Variants in PCDHGB1 observed in about 807,000 individuals in gnomAD.
The protein encoded by PCDHGB1 is protocadherin gamma subfamily B, 1, also known as protocadherin gamma-B1.
Under a neutral mutation model 56.6 loss-of-function variants are expected in PCDHGB1, and 34 were observed. The observed-to-expected ratio is 0.60, with a 90% confidence interval of 0.46 to 0.80. The LOEUF (loss-of-function observed/expected upper bound fraction) is 0.80. Among genes scored for constraint, PCDHGB1 ranks in the 30% least tolerant of loss-of-function variants. The pLI, the probability that PCDHGB1 is intolerant of heterozygous loss-of-function variation, is 0.00. For missense variants in PCDHGB1, 1,278 were observed against 1,204.6 expected (o/e 1.06, Z -0.90); for synonymous variants, 561 against 505.9 (o/e 1.11, Z -1.46).
At chr5:141,389,564 G>A in intron 1 of PCDHGB1, 1 of 1,613,244 alleles carries the variant, frequency 6.2e-7, no homozygotes, top group East Asian at 2.2e-5. Context: ...CGCCACGGGT[G>A]CTGTACCCCG....
chr5:141,355,703 AG>A, intron 1 of PCDHGB1: 1 of 1,614,000 alleles, frequency 6.2e-7, no homozygotes, highest in Non-Finnish European at 8.5e-7. Context: ...AACTCCCTGC[AG>A]GGTTACCAGC....
At position 141,473,164 on chromosome 5, in the gene PCDHGB1, G is replaced by A. The variant is rs190029663; in HGVS notation, c.2410-21643G>A. Among the ~76,000 whole-genome samples the A allele has an allele frequency of 1.6e-3, 241 of 152,250 alleles. 5 individuals carry two copies. The highest frequency in any genetic ancestry group is 2.1e-4 in the Non-Finnish European group (14 of 68,014). ...TCTTCAGATCACTAGGGCTAGGAAG[G>A]CCCACTGGTAACTTGAAGGAGTAAA... On this transcript the variant is annotated intron_variant, in intron 1 of 3. Transcript: ENST00000523390.
At position 141,357,290 on chromosome 5, in the gene PCDHGB1, T is replaced by C. The variant is rs773203887; in HGVS notation, c.2409+4621T>C. 3.7e-6 allele frequency: 6 copies of C among 1,613,952 alleles called. 1 individual carries two copies. In the South Asian group the frequency reaches 4.4e-5, roughly 12 times the overall value. On this transcript the variant is annotated intron_variant, in intron 1 of 3. Transcript: ENST00000523390. ...CTCACACTCTATCTCGTGGTGGCAGTGGCCGCTGTCTCCTGCGTCTTCCTG... is the reference window on the plus strand; with the variant it reads ...CTCACACTCTATCTCGTGGTGGCAGCGGCCGCTGTCTCCTGCGTCTTCCTG...
intron 1 of PCDHGB1, among the ~76,000 whole-genome samples, chr5:141,387,427 GT>G (rs1416187411): frequency 6.6e-6 from 1 of 152,220 alleles, no homozygotes; most frequent in Non-Finnish European, 1.5e-5. Context: ...GTCAATAAAT[GT>G]TTATGTACTT....
chr5:141,423,317 C>T, intron 1 of PCDHGB1: 4 of 1,614,118 alleles, frequency 2.5e-6, no homozygotes, highest in Non-Finnish European at 3.4e-6. Flanking sequence ...TTGGTGGTGG[C>T]GGTGGCCGCA....
At position 141,508,670 on chromosome 5, in the gene PCDHGB1, C is replaced by A. The variant is rs184838473; in HGVS notation, c.2558-2277C>A. The stretch of plus-strand genomic sequence containing the variant: ...GGCCCTTCCTGTCATTCTGTCTCTG[C>A]CTCCCTTCTCCCTGCTTCTCCGTGT... On this transcript the variant is annotated intron_variant, in intron 3 of 3. Coordinates refer to ENST00000523390, the MANE Select transcript of PCDHGB1 (RefSeq NM_018922.3). Among the ~76,000 whole-genome samples the A allele has an allele frequency of 3.7e-3, 564 of 152,202 alleles. 5 individuals are homozygous for A. The highest frequency in any genetic ancestry group is 0.011 in the Admixed American group (164 of 15,294).
In PCDHGB1 at chr5:141,351,679, C is replaced by G. The variant is rs548473707; in HGVS notation, c.1419C>G (p.Ser473=). 2.5e-6 allele frequency: 4 copies of G among 1,613,996 alleles called. No homozygotes were observed. In the Admixed American group the frequency reaches 5.0e-5, roughly 20 times the overall value. Residue 473 remains serine, a synonymous_variant, in exon 1 of 4, where the codon TCC becomes TCG. Transcript: ENST00000523390. ...CCTCCATTGCACAAGTAAGCGCCTC[C>G]GACCCGGATTTGGGACCCAACGGCA... is the stretch of plus-strand genomic sequence containing the variant. The part of the protein sequence containing the change: ...PGASIAQVSA[S]DPDLGPNGRV...
intron 1 of PCDHGB1, chr5:141,370,659 C>G: frequency 6.2e-7 from 1 of 1,613,780 alleles, no homozygotes; most frequent in Non-Finnish European, 8.5e-7. Context: ...TGTGAGCGAC[C>G]GTATAGACCG....
At position 141,362,252 on chromosome 5, in the gene PCDHGB1, C is replaced by A. The variant is rs1030341825; in HGVS notation, c.2409+9583C>A. ...TTGATCTCAGTGCTCTTCTTCCTCGCGGTGATTCTGGCAATCTCCCTGCGC... is the reference window on the plus strand; with the variant it reads ...TTGATCTCAGTGCTCTTCTTCCTCGAGGTGATTCTGGCAATCTCCCTGCGC... On this transcript the variant is annotated intron_variant, in intron 1 of 3. Coordinates refer to ENST00000523390, the MANE Select transcript of PCDHGB1 (RefSeq NM_018922.3). 1.9e-6 allele frequency: 3 copies of A among 1,613,904 alleles called. No homozygotes were observed. In the Admixed American group the frequency reaches 5.0e-5, roughly 27 times the overall value.
At position 141,512,280 on chromosome 5, in the gene PCDHGB1, TGGAAGGGTCAGC is replaced by T. The variant is rs1187119941; in HGVS notation, c.*1111_*1122del. The T allele has an allele frequency of 1.3e-5, 2 of 152,682 alleles. No individual in the cohort carries two copies. Among genetic ancestry groups the T allele is most frequent in the African/African-American group, 2.4e-5 (1 of 41,396 alleles). 9.5% of individuals were successfully genotyped at this position (152,682 alleles called of 1,614,324 possible). ...CTGGGTACTCCAGAGGTGCCACTGGTGGAAGGGTCAGCGGAGCCCCAGCAGGAAGGGTGGGCC... is the reference window on the plus strand; with the variant it reads ...CTGGGTACTCCAGAGGTGCCACTGGTGGAGCCCCAGCAGGAAGGGTGGGCC... On this transcript the variant is annotated 3_prime_UTR_variant, in exon 4 of 4. Transcript: ENST00000523390.
chr5:141,351,464 A>G lies in PCDHGB1; in HGVS notation c.1204A>G (p.Ile402Val), dbSNP rs906251737. 5 of 1,613,600 alleles carry G rather than the reference A, an allele frequency of 3.1e-6. No homozygotes were observed. Among genetic ancestry groups the G allele is most frequent in the Non-Finnish European group, 4.2e-6 (5 of 1,179,744 alleles). Residue 402 changes from isoleucine (I) to valine (V), a missense_variant, in exon 1 of 4, where the codon ATT (isoleucine) becomes GTT (valine). By Grantham distance (29) the Ile-to-Val change is conservative (BLOSUM62 3). Transcript: ENST00000523390. ...STSKNYYKLVIAGALNREQTA... is the reference protein window; with the variant it reads ...STSKNYYKLVVAGALNREQTA... ...CTCGAAGAATTATTACAAGCTGGTG[A>G]TTGCTGGAGCCCTAAACCGGGAGCA...
In PCDHGB1 at chr5:141,490,113, C is replaced by G. The variant is rs2099696295; in HGVS notation, c.2410-4694C>G. Reference sequence around the variant, plus strand: ...ACCACACATCTGAGGCAGTGCGGAACCTCTTTGGCCTAGACCCTAGCAGTG... The same window carrying G: ...ACCACACATCTGAGGCAGTGCGGAAGCTCTTTGGCCTAGACCCTAGCAGTG... On this transcript the variant is annotated intron_variant, in intron 1 of 3. Transcript: ENST00000523390. This position sits in a 1 kb window ranked among gnomAD's most constrained non-coding sequence, Gnocchi z 5.4. 1 of 1,614,258 alleles carries G rather than the reference C, an allele frequency of 6.2e-7. No individual in the cohort carries two copies.
At chr5:141,360,700 C>A (rs532971055) in intron 1 of PCDHGB1, 1 of 1,613,796 alleles carries the variant, frequency 6.2e-7, no homozygotes, top group South Asian at 1.1e-5. Flanking sequence ...TCCAGATGGT[C>A]GTAAATATCC....
At position 141,491,952 on chromosome 5, in the gene PCDHGB1, C is replaced by A; in HGVS notation, c.2410-2855C>A. 9.4e-7 allele frequency: 1 copy of A among 1,062,954 alleles called. No homozygotes were observed. The allele number at this position is 1,062,954 out of a possible 1,614,324, so 65.8% of individuals were successfully genotyped here. On this transcript the variant is annotated intron_variant, in intron 1 of 3. Coordinates refer to ENST00000523390, the MANE Select transcript of PCDHGB1 (RefSeq NM_018922.3). The surrounding 1 kb of genome is among the most constrained non-coding windows in gnomAD (Gnocchi z 6.9). ...GGTGGGACCGACCCCCACCCCTACA[C>A]TCAAAAAAGGCCGGGGCCTCCTTCG...
At position 141,477,053 on chromosome 5, in the gene PCDHGB1, G is replaced by C; in HGVS notation, c.2410-17754G>C. ...GACAATCAAGGGTCGGCTGGACTTC[G>C]AGGACACCAAACTCCATGAGATTTA... On this transcript the variant is annotated intron_variant, in intron 1 of 3. Coordinates refer to ENST00000523390, the MANE Select transcript of PCDHGB1 (RefSeq NM_018922.3). This position sits in a 1 kb window ranked among gnomAD's most constrained non-coding sequence, Gnocchi z 4.9. The C allele has an allele frequency of 6.2e-7, 1 of 1,614,230 alleles. No homozygotes were observed. Among genetic ancestry groups the C allele is most frequent in the Non-Finnish European group, 8.5e-7 (1 of 1,180,032 alleles).
chr5:141,495,892 TTGTCTC>T (rs1035324353), intron 2 of PCDHGB1, among the ~76,000 whole-genome samples: 1 of 152,198 alleles, frequency 6.6e-6, no homozygotes, highest in Admixed American at 6.5e-5. Flanking sequence ...TTGTCTCTCT[TTGTCTC>T]TGTCTCTGTA....
At chr5:141,394,348 G>C (rs1376364642) in intron 1 of PCDHGB1, 2 of 1,614,050 alleles carry the variant, frequency 1.2e-6, no homozygotes, top group Non-Finnish European at 1.7e-6. Flanking sequence ...TCTGACACCG[G>C]TGTCCTGTAT....
Position 141,431,663 on chromosome 5 carries a change from T to G in PCDHGB1, c.2410-63144T>G, listed in dbSNP as rs2097405149. ...ACTAGATTGTAATTCAGGGACAATA[T>G]CAACAATAGGGGAGTTGGACCACGA... On this transcript the variant is annotated intron_variant, in intron 1 of 3. Coordinates refer to ENST00000523390, the MANE Select transcript of PCDHGB1 (RefSeq NM_018922.3). The surrounding 1 kb of genome is among the most constrained non-coding windows in gnomAD (Gnocchi z 4.8). The G allele has an allele frequency of 6.2e-7, 1 of 1,614,168 alleles. No individual in the cohort carries two copies.
Position 141,432,951 on chromosome 5 carries a change from G to T in PCDHGB1, c.2410-61856G>T, listed in dbSNP as rs758046420. 1.2e-6 allele frequency: 2 copies of T among 1,614,178 alleles called. No individual in the cohort carries two copies. The highest frequency in any genetic ancestry group is 4.5e-5 in the East Asian group (2 of 44,858). On this transcript the variant is annotated intron_variant, in intron 1 of 3. Coordinates refer to ENST00000523390, the MANE Select transcript of PCDHGB1 (RefSeq NM_018922.3). This position sits in a 1 kb window ranked among gnomAD's most constrained non-coding sequence, Gnocchi z 6.0. ...CGCCTGCTGCAGGCTTCAGGAGGCGGCTTGACAGGAGCGCCGGCGTCGCAC... is the reference window on the plus strand; with the variant it reads ...CGCCTGCTGCAGGCTTCAGGAGGCGTCTTGACAGGAGCGCCGGCGTCGCAC...
Sources: allele counts gnomAD v4.1 joint callset (sites outside exome capture counted in the v4.1 genomes callset), GRCh38; gene constraint gnomAD v4.1.1; non-coding constraint Gnocchi (gnomAD v3.1); transcripts MANE v1.5; gene names NCBI Gene and HGNC (gene_info 2026-07-23, HGNC 2026-07-21).